Variants in TMCC1 observed in about 807,000 individuals in gnomAD.
TMCC1 encodes transmembrane and coiled-coil domain family 1, also known as transmembrane and coiled-coil domains protein 1.
TMCC1 carries 15 observed loss-of-function variants against 52.4 expected under a neutral mutation model. The observed-to-expected ratio is 0.29, with a 90% CI of 0.19 to 0.44. The LOEUF (loss-of-function observed/expected upper bound fraction) is 0.44, where lower values mean the gene tolerates loss of function less well. Among genes scored for constraint, TMCC1 ranks in the 20% least tolerant of loss-of-function variants. TMCC1 has a pLI of 1.00. For synonymous variants in TMCC1, 279 were observed against 301.9 expected, an observed-to-expected ratio of 0.92 and a Z score of 0.79; for missense variants, 503 against 806.0, an observed-to-expected ratio of 0.62 and a Z score of 4.55.
chr3:129,878,361 C>T (rs1216926486), intron 2 of TMCC1, among the ~76,000 whole-genome samples: 4 of 152,130 alleles, frequency 2.6e-5, no homozygotes, highest in African/African-American at 7.2e-5. Context: ...TCAGTCTTCT[C>T]CATCTCAATA....
intron 4 of TMCC1, among the ~76,000 whole-genome samples, chr3:129,770,291 G>A (rs1242608707): frequency 6.6e-6 from 1 of 152,178 alleles, no homozygotes; most frequent in African/African-American, 2.4e-5. Context: ...TGAGGCAGGA[G>A]GATCACTTCA....
chr3:129,703,451 C>G (rs777154518), intron 4 of TMCC1, among the ~76,000 whole-genome samples: 13 of 152,152 alleles, frequency 8.5e-5, no homozygotes, highest in Non-Finnish European at 1.6e-4. Flanking sequence ...TAAGTAAGTA[C>G]AGTAAGATGG....
intron 4 of TMCC1, among the ~76,000 whole-genome samples, chr3:129,704,700 G>A (rs2048090126): frequency 6.6e-6 from 1 of 152,198 alleles, no homozygotes; most frequent in Non-Finnish European, 1.5e-5. Context: ...TTACAGGTGT[G>A]AGCCACTACA....
intron 4 of TMCC1, among the ~76,000 whole-genome samples, chr3:129,749,499 A>G (rs1374217758): frequency 6.6e-6 from 1 of 152,136 alleles, no homozygotes. Context: ...GATCTCTTAA[A>G]AGAAAAAAAA....
In TMCC1 at chr3:129,856,813, G is replaced by T. The variant is rs116552096; in HGVS notation, c.-184+23496C>A. 2.6e-3 allele frequency among the ~76,000 whole-genome samples: 396 copies of T among 152,272 alleles called. 1 individual carries two copies. Among genetic ancestry groups the T allele is most frequent in the African/African-American group, 8.8e-3 (367 of 41,550 alleles). ...CTAAGTCAAGAAATTCTTTTAGGGA[G>T]TCTAAAAAGAAGAGTAAATATGTTG... On this transcript the variant is annotated intron_variant, in intron 2 of 6. Transcript: ENST00000393238.
chr3:129,658,586 T>G (rs544851100), intron 5 of TMCC1, among the ~76,000 whole-genome samples: 2 of 152,322 alleles, frequency 1.3e-5, no homozygotes, highest in South Asian at 2.1e-4. Context: ...CTGCCTGGCC[T>G]TTTTTGTTCA....
intron 5 of TMCC1, among the ~76,000 whole-genome samples, chr3:129,655,415 G>T (rs1703447427): frequency 6.6e-6 from 1 of 152,188 alleles, no homozygotes; most frequent in African/African-American, 2.4e-5. Flanking sequence ...AGGCTCCTCT[G>T]AACAACATAT....
chr3:129,793,075 C>T (rs968148238), intron 4 of TMCC1, among the ~76,000 whole-genome samples: 5 of 151,884 alleles, frequency 3.3e-5, no homozygotes, highest in Admixed American at 3.3e-4. Context: ...TTTAAATGTA[C>T]TATATATATG....
At chr3:129,665,625 A>C (rs1266407105) in intron 5 of TMCC1, among the ~76,000 whole-genome samples, 1 of 152,244 alleles carries the variant, frequency 6.6e-6, no homozygotes, top group Non-Finnish European at 1.5e-5. Flanking sequence ...CCTAATACCC[A>C]CTGCCAATGC....
chr3:129,890,096 A>G (rs114245538), intron 1 of TMCC1, among the ~76,000 whole-genome samples: 227 of 152,306 alleles, frequency 1.5e-3, no homozygotes, highest in African/African-American at 5.3e-3. Flanking sequence ...CCTAGGCAAC[A>G]TATGAGACCC....
intron 4 of TMCC1, among the ~76,000 whole-genome samples, chr3:129,683,474 G>A (rs1356311247): frequency 6.6e-6 from 1 of 152,184 alleles, no homozygotes; most frequent in Admixed American, 6.5e-5. Flanking sequence ...GCTCTCTGTT[G>A]TATAGTACAC....
intron 2 of TMCC1, among the ~76,000 whole-genome samples, chr3:129,871,349 G>A (rs1192196803): frequency 7.4e-6 from 1 of 134,664 alleles, no homozygotes. Flanking sequence ...CTAGGCAACA[G>A]AGTGAGACGC....
chr3:129,760,701 T>C (rs1019411530), intron 4 of TMCC1, among the ~76,000 whole-genome samples: 2 of 151,686 alleles, frequency 1.3e-5, no homozygotes, highest in African/African-American at 4.8e-5. Flanking sequence ...ATGGTCTCGA[T>C]CTCCTGACCT....
intron 2 of TMCC1, among the ~76,000 whole-genome samples, chr3:129,872,431 T>C (rs1441417259): frequency 2.0e-5 from 3 of 152,206 alleles, no homozygotes; most frequent in Non-Finnish European, 4.4e-5. Context: ...TCAGAATCTC[T>C]GGAAGTATAT....
At chr3:129,692,911 C>T (rs1278114625) in intron 4 of TMCC1, among the ~76,000 whole-genome samples, 3 of 152,036 alleles carry the variant, frequency 2.0e-5, no homozygotes, top group Admixed American at 6.6e-5. Flanking sequence ...GGTACCATCT[C>T]GGCTGACTGC....
At chr3:129,820,272 T>C (rs1413821927) in intron 4 of TMCC1, among the ~76,000 whole-genome samples, 1 of 151,644 alleles carries the variant, frequency 6.6e-6, no homozygotes, top group Non-Finnish European at 1.5e-5. Flanking sequence ...CTTATAAAAA[T>C]AGAGATAGTA....
intron 4 of TMCC1, among the ~76,000 whole-genome samples, chr3:129,715,553 A>T (rs141214344): frequency 6.6e-6 from 1 of 152,282 alleles, no homozygotes; most frequent in East Asian, 1.9e-4. Context: ...CAAACAAACA[A>T]ACAAACACTC....
At chr3:129,890,131 A>ATTTTTTTTTTTTTTT (rs2061899112) in intron 1 of TMCC1, among the ~76,000 whole-genome samples, 1 of 152,236 alleles carries the variant, frequency 6.6e-6, no homozygotes, top group Non-Finnish European at 1.5e-5. Context: ...ATATCTTTAA[A>ATTTTTTTTTTTTTTT]AAAAAGAAAA....
intron 2 of TMCC1, among the ~76,000 whole-genome samples, chr3:129,837,809 T>G (rs784687): frequency 0.98 from 149,951 of 152,290 alleles, 73,871 homozygotes; most frequent in East Asian, 1. Flanking sequence ...ATTTCAGAGA[T>G]AAATGAAAAT....
Sources: allele counts gnomAD v4.1 joint callset (sites outside exome capture counted in the v4.1 genomes callset), GRCh38; gene constraint gnomAD v4.1.1; transcripts MANE v1.5; gene names NCBI Gene and HGNC (gene_info 2026-07-23, HGNC 2026-07-21).